Variants in SLC9A9 observed in about 807,000 individuals in gnomAD.
The protein encoded by SLC9A9 is sodium/hydrogen exchanger 9.
Under a neutral mutation model 77.8 loss-of-function variants are expected in SLC9A9, and 62 were observed. The observed-to-expected ratio is 0.80, with a 90% CI of 0.65 to 0.98. The LOEUF is 0.98. Ranked by LOEUF, SLC9A9 falls within the 50% of genes least tolerant of loss-of-function variation. The probability of loss-of-function intolerance (pLI) is 0.00; values close to 1 mark genes in which losing one functional copy is unlikely to be tolerated. For missense variants in SLC9A9, 775 were observed against 774.9 expected, an observed-to-expected ratio of 1.00 and a Z score of 0.00; for synonymous variants, 320 against 283.5, an observed-to-expected ratio of 1.13 and a Z score of -1.29.
chr3:143,546,816 G>T (rs1412896624), intron 9 of SLC9A9, among the ~76,000 whole-genome samples: 1 of 152,102 alleles, frequency 6.6e-6, no homozygotes, highest in Non-Finnish European at 1.5e-5. Flanking sequence ...AAAATAAAAA[G>T]ATATTTTCTT....
intron 12 of SLC9A9, among the ~76,000 whole-genome samples, chr3:143,392,550 CA>C (rs200738806): frequency 0.31 from 47,272 of 151,994 alleles, 7,518 homozygotes; most frequent in Non-Finnish European, 0.35. Flanking sequence ...AACTAACAAG[CA>C]AAATAACCAG....
chr3:143,271,551 G>A (rs1317372759), intron 14 of SLC9A9, among the ~76,000 whole-genome samples: 2 of 152,220 alleles, frequency 1.3e-5, no homozygotes, highest in Admixed American at 1.3e-4. Flanking sequence ...ATGGGAAAAC[G>A]ATACTGAAGG....
intron 4 of SLC9A9, among the ~76,000 whole-genome samples, chr3:143,703,864 A>T (rs1933875338): frequency 6.6e-6 from 1 of 152,176 alleles, no homozygotes; most frequent in East Asian, 1.9e-4. Context: ...AAAATTAGAG[A>T]TGAAAAAAGA....
Position 143,433,856 on chromosome 3 carries a change from G to A in SLC9A9, c.1469+33181C>T, listed in dbSNP as rs183003253. ...CTGGAAGGTGCATATGAAACCTTTC[G>A]AATTCTGATGGTTTTGAAGTATAGA... On this transcript the variant is annotated intron_variant, in intron 12 of 15. Transcript: ENST00000316549. 3.3e-5 allele frequency among the ~76,000 whole-genome samples: 5 copies of A among 152,276 alleles called. No individual in the cohort carries two copies. In the East Asian group the frequency reaches 7.7e-4, roughly 23 times the overall value.
At chr3:143,309,881 T>C (rs1164786369) in intron 14 of SLC9A9, among the ~76,000 whole-genome samples, 2 of 152,156 alleles carry the variant, frequency 1.3e-5, no homozygotes, top group Non-Finnish European at 2.9e-5. Flanking sequence ...AAAAAAAAAG[T>C]CTCTGTCCCA....
chr3:143,306,089 T>C (rs1478431014), intron 14 of SLC9A9, among the ~76,000 whole-genome samples: 1 of 152,012 alleles, frequency 6.6e-6, no homozygotes, highest in African/African-American at 2.4e-5. Flanking sequence ...AATGTGAGAC[T>C]GACAAATATG....
At chr3:143,392,731 G>A (rs1359070712) in intron 12 of SLC9A9, among the ~76,000 whole-genome samples, 3 of 152,158 alleles carry the variant, frequency 2.0e-5, no homozygotes, top group Non-Finnish European at 4.4e-5. Context: ...ACACGCACAG[G>A]CTCAAAATAA....
chr3:143,699,178 A>G lies in SLC9A9; in HGVS notation c.534-5871T>C, dbSNP rs573962808. On this transcript the variant is annotated intron_variant, in intron 4 of 15. Coordinates refer to ENST00000316549, the MANE Select transcript of SLC9A9 (RefSeq NM_173653.4). The stretch of plus-strand genomic sequence containing the variant: ...CATTCATGTATTCATTAATTTACAC[A>G]TTGACTCATTCATTCAACAAATAAT... Among the ~76,000 whole-genome samples the G allele has an allele frequency of 3.9e-5, 6 of 152,328 alleles. No individual in the cohort carries two copies. In the South Asian group the frequency reaches 1.0e-3, roughly 26 times the overall value.
At chr3:143,558,699 C>T (rs752861129) in intron 8 of SLC9A9, among the ~76,000 whole-genome samples, 5 of 152,126 alleles carry the variant, frequency 3.3e-5, no homozygotes, top group African/African-American at 4.8e-5. Context: ...AACTAACTTG[C>T]TTTTGATTTT....
chr3:143,405,524 T>C (rs1403982803), intron 12 of SLC9A9, among the ~76,000 whole-genome samples: 1 of 152,190 alleles, frequency 6.6e-6, no homozygotes, highest in African/African-American at 2.4e-5. Context: ...CCTCTGTCTA[T>C]GAGTAGAAGC....
chr3:143,753,864 G>T (rs999206251), intron 4 of SLC9A9, among the ~76,000 whole-genome samples: 1 of 152,072 alleles, frequency 6.6e-6, no homozygotes, highest in Admixed American at 6.6e-5. Context: ...AAGAAAAAGG[G>T]GATAAAGAAA....
At chr3:143,462,316 G>C (rs1016522878) in intron 12 of SLC9A9, among the ~76,000 whole-genome samples, 1 of 152,090 alleles carries the variant, frequency 6.6e-6, no homozygotes, top group Admixed American at 6.6e-5. Context: ...AAGGCTGTGG[G>C]GAGCTATGAT....
intron 2 of SLC9A9, among the ~76,000 whole-genome samples, chr3:143,804,061 C>T (rs547472653): frequency 7.2e-5 from 11 of 152,254 alleles, no homozygotes; most frequent in South Asian, 2.1e-4. Flanking sequence ...CGCTCCTTTA[C>T]GTATCTCTCA....
At chr3:143,322,184 A>AAT (rs2031444230) in intron 14 of SLC9A9, among the ~76,000 whole-genome samples, 1 of 152,204 alleles carries the variant, frequency 6.6e-6, no homozygotes, top group Non-Finnish European at 1.5e-5. Flanking sequence ...TATTTGGTCA[A>AAT]ATATTTTTCC....
chr3:143,422,965 T>C (rs2034326249), intron 12 of SLC9A9, among the ~76,000 whole-genome samples: 1 of 152,066 alleles, frequency 6.6e-6, no homozygotes, highest in South Asian at 2.1e-4. Context: ...GGAGAGGAGA[T>C]CCATGACCCA....
intron 4 of SLC9A9, among the ~76,000 whole-genome samples, chr3:143,787,433 A>G (rs1315119998): frequency 6.6e-6 from 1 of 152,144 alleles, no homozygotes; most frequent in Non-Finnish European, 1.5e-5. Flanking sequence ...TTTTGTTTTA[A>G]TTCCCCTGCT....
Position 143,674,640 on chromosome 3 carries a change from C to T in SLC9A9, c.649+18552G>A, listed in dbSNP as rs530915084. On this transcript the variant is annotated intron_variant, in intron 5 of 15. Coordinates refer to ENST00000316549, the MANE Select transcript of SLC9A9 (RefSeq NM_173653.4). ...AGAGACATCAGAGCTGGTGGCATCT[C>T]AAGAGGATACTACTCCCAGAGGTAG... is the stretch of plus-strand genomic sequence containing the variant. Among the ~76,000 whole-genome samples, 4 of 152,206 alleles carry T rather than the reference C, an allele frequency of 2.6e-5. No individual in the cohort carries two copies. In the South Asian group the frequency reaches 8.3e-4, roughly 32 times the overall value.
intron 5 of SLC9A9, among the ~76,000 whole-genome samples, chr3:143,682,660 A>G (rs757018906): frequency 6.6e-6 from 1 of 152,176 alleles, no homozygotes; most frequent in Non-Finnish European, 1.5e-5. Context: ...ATATCAAATT[A>G]GGGTAGCAGA....
chr3:143,775,442 T>TA (rs2007658210), intron 4 of SLC9A9, among the ~76,000 whole-genome samples: 1 of 152,244 alleles, frequency 6.6e-6, no homozygotes, highest in South Asian at 2.1e-4. Flanking sequence ...AATTGTCATG[T>TA]ACTTTCCCTT....
Sources: gnomAD v4.1 joint callset for allele counts (sites outside exome capture counted in the v4.1 genomes callset) on GRCh38, gnomAD v4.1.1 for gene constraint, MANE v1.5 for transcripts, NCBI Gene and HGNC (gene_info 2026-07-23, HGNC 2026-07-21) for gene names.